Variants in PRKCQ observed in about 807,000 individuals in gnomAD.
The protein encoded by PRKCQ is protein kinase C theta type.
Under a neutral mutation model 91.2 loss-of-function variants are expected in PRKCQ, and 41 were observed. The ratio of observed to expected loss-of-function variants is 0.45; its 90% CI spans 0.35 to 0.58. The LOEUF is 0.58. Among genes scored for constraint, PRKCQ ranks in the 20% least tolerant of loss-of-function variants. The pLI is 0.00. For missense variants in PRKCQ, 673 were observed against 896.5 expected (o/e 0.75, Z 3.18); for synonymous variants, 307 against 316.9 (o/e 0.97, Z 0.33).
chr10:6,412,770 A>C, the PRKCQ span, among the ~76,000 whole-genome samples: 2 of 152,210 alleles, frequency 1.3e-5, no homozygotes, highest in African/African-American at 4.8e-5. Flanking sequence ...CCTCCTGACC[A>C]ATGTGCACAC....
intron 1 of PRKCQ, among the ~76,000 whole-genome samples, chr10:6,533,462 G>T (rs1168175204): frequency 6.6e-6 from 1 of 152,126 alleles, no homozygotes; most frequent in Admixed American, 6.5e-5. Flanking sequence ...CTCCCAAAGT[G>T]CTAGGATTAC....
At chr10:6,441,776 C>T (rs1299179175) in intron 16 of PRKCQ, 117 bp downstream of exon 16, 1 of 1,078,618 alleles carries the variant, frequency 9.3e-7, no homozygotes, top group Non-Finnish European at 1.3e-6. Flanking sequence ...CCCATTTAAA[C>T]CCAGTTCAAT....
intron 1 of PRKCQ, among the ~76,000 whole-genome samples, chr10:6,577,456 T>G (rs1190614875): frequency 1.3e-5 from 2 of 152,188 alleles, no homozygotes; most frequent in Non-Finnish European, 2.9e-5. Flanking sequence ...CTGCTTAAAG[T>G]GTTAAAACAA....
intron 2 of PRKCQ, 70 bp downstream of exon 2, chr10:6,514,948 T>G: frequency 6.2e-7 from 1 of 1,603,966 alleles, no homozygotes; most frequent in Non-Finnish European, 8.5e-7. Context: ...CTGGAAGACC[T>G]TGCTTCATAC....
intron 16 of PRKCQ, among the ~76,000 whole-genome samples, chr10:6,434,484 G>C (rs1319359523): frequency 6.6e-6 from 1 of 152,224 alleles, no homozygotes; most frequent in East Asian, 1.9e-4. Flanking sequence ...ATTAGTATAT[G>C]TTCTGCCTTG....
At chr10:6,534,784 A>C (rs369350846) in intron 1 of PRKCQ, among the ~76,000 whole-genome samples, 1,452 of 141,580 alleles carry the variant, frequency 0.01, 20 homozygotes, top group African/African-American at 0.039. Flanking sequence ...CTATATATAT[A>C]TATATATAGA....
chr10:6,463,325 A>T (rs112855715), intron 13 of PRKCQ, among the ~76,000 whole-genome samples: 164 of 152,298 alleles, frequency 1.1e-3, no homozygotes, highest in East Asian at 3.5e-3. Flanking sequence ...GATCTTGTGG[A>T]AGAATGCAAA....
At chr10:6,461,898 T>C (rs547919586) in intron 14 of PRKCQ, among the ~76,000 whole-genome samples, 2 of 152,166 alleles carry the variant, frequency 1.3e-5, no homozygotes, top group South Asian at 4.2e-4. Flanking sequence ...AATGATGTCA[T>C]ACAGCAGAGA....
In PRKCQ at chr10:6,497,219, C is replaced by T. The variant is rs1204205721; in HGVS notation, c.574+1G>A. 2 of 1,614,114 alleles carry T rather than the reference C, an allele frequency of 1.2e-6. No individual in the cohort carries two copies. The highest frequency in any genetic ancestry group is 1.1e-5 in the South Asian group (1 of 91,078). On this transcript the variant is annotated splice_donor_variant, in intron 6 of 17. Transcript: ENST00000263125. LOFTEE classifies it high-confidence loss of function. This position sits in a 1 kb window ranked among gnomAD's most constrained non-coding sequence, Gnocchi z 4.5. ...AATGCAACCAAAACCCTCTTACTTA[C>T]GTCGGCACTGGTAGCCCTGTTTGTT...
intron 4 of PRKCQ, among the ~76,000 whole-genome samples, chr10:6,504,542 T>C (rs1418379610): frequency 6.6e-6 from 1 of 152,242 alleles, no homozygotes; most frequent in Non-Finnish European, 1.5e-5. Context: ...ATGCCCACAC[T>C]GTGGAACTTA....
chr10:6,504,795 C>T (rs1838097658), intron 4 of PRKCQ, among the ~76,000 whole-genome samples: 1 of 151,894 alleles, frequency 6.6e-6, no homozygotes, highest in African/African-American at 2.4e-5. Flanking sequence ...TATTCCATAA[C>T]TTTGGTTTTT....
At chr10:6,467,335 CAGAGAG>C (rs1173010895) in intron 12 of PRKCQ, among the ~76,000 whole-genome samples, 7 of 103,302 alleles carry the variant, frequency 6.8e-5, no homozygotes, top group African/African-American at 1.8e-4. Flanking sequence ...GAGAGACAGA[CAGAGAG>C]AGAGAGAGAG....
rs771210324 is a variant in PRKCQ at position 6,485,275 on chromosome 10, T to G, written c.901-6A>C. 6.2e-7 allele frequency: 1 copy of G among 1,612,528 alleles called. No individual in the cohort carries two copies. Among genetic ancestry groups the G allele is most frequent in the African/African-American group, 1.3e-5 (1 of 74,992 alleles). On this transcript the variant is annotated splice_region_variant and splice_polypyrimidine_tract_variant and intron_variant, in intron 9 of 17. Transcript: ENST00000263125. ...GTATCTCTTAAGCAGCGAGCCTGGA[T>G]GACAAACAGAGAGTCAGACCACCCA...
intron 15 of PRKCQ, among the ~76,000 whole-genome samples, chr10:6,445,121 CAAAAAAAAAAAAA>C (rs61291267): frequency 4.1e-4 from 43 of 105,412 alleles, no homozygotes; most frequent in Admixed American, 1.1e-3. Context: ...AAGACTCTGT[CAAAAAAAAAAAAA>C]AAAAAAAAAA....
chr10:6,521,760 T>C (rs994531727), intron 1 of PRKCQ, among the ~76,000 whole-genome samples: 28 of 152,260 alleles, frequency 1.8e-4, no homozygotes, highest in African/African-American at 6.3e-4. Context: ...ATCTATCTCT[T>C]GCAGAGCACT....
At chr10:6,406,330 T>C in the PRKCQ span, among the ~76,000 whole-genome samples, 1 of 151,876 alleles carries the variant, frequency 6.6e-6, no homozygotes, top group Non-Finnish European at 1.5e-5. Flanking sequence ...TTTTTTTTTT[T>C]CATGACTAAA....
chr10:6,511,634 A>G (rs1838482702), intron 2 of PRKCQ, among the ~76,000 whole-genome samples: 1 of 152,228 alleles, frequency 6.6e-6, no homozygotes, highest in African/African-American at 2.4e-5. Flanking sequence ...TTTATATAGC[A>G]GGGAAGAAAT....
intron 1 of PRKCQ, among the ~76,000 whole-genome samples, chr10:6,522,922 T>G (rs1207776816): frequency 6.6e-6 from 1 of 152,194 alleles, no homozygotes; most frequent in Non-Finnish European, 1.5e-5. Flanking sequence ...ACCAATAGCT[T>G]TTGCATTTCT....
chr10:6,580,365 CCGCCAGGGGGCGCT>C (rs1327792678), upstream of PRKCQ: 2 of 150,644 alleles, frequency 1.3e-5, no homozygotes, highest in African/African-American at 4.9e-5. Flanking sequence ...AAGGCGGTGC[CCGCCAGGGGGCGCT>C]CGCCAGCCTC....
Sources: gnomAD v4.1 joint callset for allele counts (sites outside exome capture counted in the v4.1 genomes callset) on GRCh38, gnomAD v4.1.1 for gene constraint, Gnocchi (gnomAD v3.1) non-coding constraint, MANE v1.5 for transcripts, NCBI Gene and HGNC (gene_info 2026-07-23, HGNC 2026-07-21) for gene names.